VDAC1: variants seen among roughly 807,000 people sequenced by gnomAD.
VDAC1 encodes the protein non-selective voltage-gated ion channel VDAC1.
In VDAC1, 10 loss-of-function variants were observed where a neutral mutation model predicts 34.7. The ratio of observed to expected loss-of-function variants is 0.29; its 90% confidence interval spans 0.18 to 0.49. VDAC1 has a LOEUF of 0.49. Among genes scored for constraint, VDAC1 ranks in the 20% least tolerant of loss-of-function variants. The pLI is 0.99. For synonymous variants in VDAC1, 130 were observed against 136.0 expected (o/e 0.96, Z 0.30); for missense variants, 230 against 347.9 (o/e 0.66, Z 2.69).
the VDAC1 span, among the ~76,000 whole-genome samples, chr5:134,038,235 C>T: frequency 6.6e-6 from 1 of 152,176 alleles, no homozygotes; most frequent in African/African-American, 2.4e-5. Context: ...TTAGGAAAGG[C>T]CTCTGACATT....
the VDAC1 span, among the ~76,000 whole-genome samples, chr5:134,114,352 T>C: frequency 6.6e-6 from 1 of 152,044 alleles, no homozygotes; most frequent in African/African-American, 2.4e-5. Context: ...ACGGCTGCGA[T>C]GGTAAGCCAC....
At chr5:134,018,130 C>T in the VDAC1 span, among the ~76,000 whole-genome samples, 5 of 152,310 alleles carry the variant, frequency 3.3e-5, no homozygotes, top group Non-Finnish European at 7.3e-5. Flanking sequence ...CACAAAAAAG[C>T]ATGGTGCGGG....
At chr5:134,005,482 C>A (rs190606242), upstream of VDAC1, 2 of 152,404 alleles carry the variant, frequency 1.3e-5, no homozygotes, top group East Asian at 3.9e-4. Context: ...TAGCGATTTT[C>A]TCCTGTAGCA....
the VDAC1 span, among the ~76,000 whole-genome samples, chr5:134,071,712 C>T: frequency 3.9e-5 from 6 of 152,216 alleles, no homozygotes; most frequent in Non-Finnish European, 7.3e-5. This position sits in a 1 kb window ranked among gnomAD's most constrained non-coding sequence, Gnocchi z 4.1. Flanking sequence ...GCCCCCACCC[C>T]CACCCAGTTC....
At chr5:133,982,535 A>G (rs1417392390) in intron 5 of VDAC1, among the ~76,000 whole-genome samples, 7 of 150,960 alleles carry the variant, frequency 4.6e-5, no homozygotes, top group Non-Finnish European at 8.9e-5. Flanking sequence ...AAAGAATTAT[A>G]ATAACGCTCA....
At chr5:133,982,213 G>A (rs1465930820) in intron 5 of VDAC1, among the ~76,000 whole-genome samples, 1 of 152,118 alleles carries the variant, frequency 6.6e-6, no homozygotes, top group Non-Finnish European at 1.5e-5. Flanking sequence ...TTTATTCTAG[G>A]CATTATAATG....
chr5:134,080,364 A>G, the VDAC1 span, among the ~76,000 whole-genome samples: 3 of 152,232 alleles, frequency 2.0e-5, no homozygotes, highest in Admixed American at 2.0e-4. Flanking sequence ...ACTCTGGGCC[A>G]GAAAAGCTGG....
chr5:134,048,838 T>C, the VDAC1 span, among the ~76,000 whole-genome samples: 1 of 152,196 alleles, frequency 6.6e-6, no homozygotes, highest in South Asian at 2.1e-4. Context: ...TTGGCATTAA[T>C]TTATTTACTA....
chr5:134,035,810 G>C, the VDAC1 span, among the ~76,000 whole-genome samples: 1 of 152,004 alleles, frequency 6.6e-6, no homozygotes, highest in Admixed American at 6.6e-5. Context: ...TTCAAGACCA[G>C]CCTGGCCAAG....
chr5:134,019,120 C>T, the VDAC1 span, among the ~76,000 whole-genome samples: 3 of 151,934 alleles, frequency 2.0e-5, no homozygotes, highest in Non-Finnish European at 4.4e-5. Context: ...CCTCCAGTTA[C>T]TTATAAAATG....
chr5:134,042,881 C>T, the VDAC1 span, among the ~76,000 whole-genome samples: 7 of 152,242 alleles, frequency 4.6e-5, no homozygotes, highest in African/African-American at 1.7e-4. Flanking sequence ...AGGTCCCCCA[C>T]CTCCAGAGGA....
At chr5:133,990,607 C>A (rs1036275567) in intron 5 of VDAC1, among the ~76,000 whole-genome samples, 1 of 152,196 alleles carries the variant, frequency 6.6e-6, no homozygotes, top group Non-Finnish European at 1.5e-5. Flanking sequence ...GCACAGGTGG[C>A]ACTTAGAAAT....
chr5:134,090,135 C>G, the VDAC1 span, among the ~76,000 whole-genome samples: 2 of 152,132 alleles, frequency 1.3e-5, no homozygotes, highest in African/African-American at 2.4e-5. Context: ...ACATTCAGGC[C>G]AAGCTAGGTC....
the VDAC1 span, among the ~76,000 whole-genome samples, chr5:134,032,691 A>G: frequency 0.14 from 21,172 of 152,184 alleles, 1,656 homozygotes; most frequent in East Asian, 0.32. Context: ...GAAAAATACA[A>G]AAGAGTATGT....
the VDAC1 span, among the ~76,000 whole-genome samples, chr5:134,015,123 A>G: frequency 1.3e-5 from 2 of 152,296 alleles, no homozygotes; most frequent in Middle Eastern, 6.8e-3. Flanking sequence ...AAAACCAAAT[A>G]CTGCATGTTC....
At chr5:134,088,157 A>AAAAAC in the VDAC1 span, among the ~76,000 whole-genome samples, 137 of 152,218 alleles carry the variant, frequency 9.0e-4, 1 homozygote, top group Admixed American at 1.6e-3. Context: ...CCCTGTCTCA[A>AAAAAC]AAAACAAAAC....
At chr5:134,047,900 A>T in the VDAC1 span, among the ~76,000 whole-genome samples, 1 of 151,620 alleles carries the variant, frequency 6.6e-6, no homozygotes, top group African/African-American at 2.4e-5. Context: ...ACATTGCATC[A>T]TAAGAGGCTA....
the VDAC1 span, among the ~76,000 whole-genome samples, chr5:134,071,021 C>T: frequency 6.6e-6 from 1 of 152,218 alleles, no homozygotes; most frequent in African/African-American, 2.4e-5. The surrounding 1 kb of genome is among the most constrained non-coding windows in gnomAD (Gnocchi z 4.1). Flanking sequence ...CCCCGCCCAG[C>T]AGAGGAACCT....
chr5:134,060,866 C>T, the VDAC1 span, among the ~76,000 whole-genome samples: 3 of 105,460 alleles, frequency 2.8e-5, no homozygotes, highest in African/African-American at 8.3e-5. Context: ...TGCAGATCTC[C>T]TCCTCTTCTT....
Sources: allele counts gnomAD v4.1 joint callset (sites outside exome capture counted in the v4.1 genomes callset), GRCh38; gene constraint gnomAD v4.1.1; non-coding constraint Gnocchi (gnomAD v3.1); transcripts MANE v1.5; gene names NCBI Gene and HGNC (gene_info 2026-07-23, HGNC 2026-07-21).